CREB3L2: variants seen among roughly 807,000 people sequenced by gnomAD.
CREB3L2 encodes the protein cAMP responsive element binding protein 3 like 2.
A neutral mutation model predicts 57.2 loss-of-function variants in CREB3L2; 23 were observed. The ratio of observed to expected loss-of-function variants is 0.40; its 90% CI spans 0.29 to 0.57. The LOEUF (loss-of-function observed/expected upper bound fraction) is 0.57, where lower values mean the gene tolerates loss of function less well. Ranked by LOEUF, CREB3L2 falls within the 20% of genes least tolerant of loss-of-function variation. The probability of loss-of-function intolerance (pLI) is 0.42; values close to 1 mark genes in which losing one functional copy is unlikely to be tolerated. For synonymous variants in CREB3L2, 268 were observed against 265.1 expected (o/e 1.01, Z -0.11); for missense variants, 628 against 634.7 (o/e 0.99, Z 0.11).
intron 1 of CREB3L2, among the ~76,000 whole-genome samples, chr7:137,988,373 A>G (rs540101485): frequency 6.6e-6 from 1 of 152,324 alleles, no homozygotes; most frequent in Admixed American, 6.5e-5. Context: ...AGCTACAATT[A>G]TTTACTTAAT....
intron 1 of CREB3L2, among the ~76,000 whole-genome samples, chr7:137,967,376 G>A (rs1801425744): frequency 6.6e-6 from 1 of 152,156 alleles, no homozygotes; most frequent in African/African-American, 2.4e-5. Flanking sequence ...TCTACCTAGA[G>A]ACAATTTACC....
At chr7:137,889,104 T>A (rs1238664243) in intron 8 of CREB3L2, among the ~76,000 whole-genome samples, 1 of 151,800 alleles carries the variant, frequency 6.6e-6, no homozygotes, top group Non-Finnish European at 1.5e-5. Flanking sequence ...AAAAAAAAAA[T>A]CCACACAAGG....
intron 4 of CREB3L2, chr7:137,912,706 A>G (rs1800040307): frequency 8.1e-6 from 6 of 739,784 alleles, no homozygotes; most frequent in East Asian, 8.0e-5. Context: ...TAGTGTTTGT[A>G]GTAGCAGTCC....
chr7:137,919,142 A>G (rs1267382664), intron 2 of CREB3L2, among the ~76,000 whole-genome samples: 1 of 152,066 alleles, frequency 6.6e-6, no homozygotes, highest in Admixed American at 6.5e-5. Flanking sequence ...TTAGAGTTAT[A>G]AAGAGATTTA....
intron 1 of CREB3L2, among the ~76,000 whole-genome samples, chr7:137,946,973 G>T (rs1389255283): frequency 1.3e-4 from 5 of 38,302 alleles, no homozygotes; most frequent in Admixed American, 2.5e-4. Flanking sequence ...TATATATATA[G>T]TTATATATAT....
chr7:137,973,096 G>A (rs933556679), intron 1 of CREB3L2, among the ~76,000 whole-genome samples: 2 of 150,156 alleles, frequency 1.3e-5, no homozygotes, highest in Non-Finnish European at 2.9e-5. Flanking sequence ...TGGGTGCAGC[G>A]CACCAGCACG....
intron 1 of CREB3L2, among the ~76,000 whole-genome samples, chr7:137,931,556 G>C (rs543733908): frequency 2.1e-4 from 32 of 150,260 alleles, no homozygotes; most frequent in African/African-American, 7.6e-4. Context: ...GGCCAGGCTT[G>C]CTTGGTGGCT....
At chr7:137,927,358 A>G (rs1800492985) in intron 2 of CREB3L2, among the ~76,000 whole-genome samples, 1 of 147,174 alleles carries the variant, frequency 6.8e-6, no homozygotes, top group African/African-American at 2.5e-5. Context: ...GGGAGAGAGA[A>G]AAAGAAGAAA....
In CREB3L2 at chr7:137,940,027, T is replaced by C. The variant is rs546763925; in HGVS notation, c.103-11661A>G. On this transcript the variant is annotated intron_variant, in intron 1 of 11. Transcript: ENST00000330387. ...CTCTAGATACTCTTCCTAATTGGTG[T>C]TGTTGATATCCCTCCTTCTGTCCCT... 2.1e-3 allele frequency among the ~76,000 whole-genome samples: 313 copies of C among 152,340 alleles called. 1 individual carries two copies. The highest frequency in any genetic ancestry group is 3.7e-3 in the Non-Finnish European group (255 of 68,028).
rs1801700069 is a variant in CREB3L2 at position 137,980,851 on chromosome 7, G to A, written c.102+20753C>T. ...TTTGCCTCTCCTGCTCTTTACTGAT[G>A]CACTGGCCCCTGTTCCTCCACAATG... On this transcript the variant is annotated intron_variant, in intron 1 of 11. Coordinates refer to ENST00000330387, the MANE Select transcript of CREB3L2 (RefSeq NM_194071.4). This position sits in a 1 kb window ranked among gnomAD's most constrained non-coding sequence, Gnocchi z 4.3. Among the ~76,000 whole-genome samples, 1 of 152,156 alleles carries A rather than the reference G, an allele frequency of 6.6e-6. No individual in the cohort carries two copies. The highest frequency in any genetic ancestry group is 2.4e-5 in the African/African-American group (1 of 41,422).
chr7:137,971,074 C>T (rs1017546095), intron 1 of CREB3L2, among the ~76,000 whole-genome samples: 6 of 152,054 alleles, frequency 3.9e-5, no homozygotes, highest in Non-Finnish European at 8.8e-5. Context: ...AAGAGATACA[C>T]ACAAACTTCA....
rs1009854445 is a variant in CREB3L2, at chr7:137,879,260, T to G, written c.*1216A>C. 1.9e-6 allele frequency: 1 copy of G among 535,062 alleles called. No individual in the cohort carries two copies. Among genetic ancestry groups the G allele is most frequent in the African/African-American group, 1.9e-5 (1 of 53,780 alleles). The allele number at this position is 535,062 out of a possible 1,614,324, so 33.1% of individuals were successfully genotyped here. A position where few individuals can be genotyped will look rare whatever the true frequency, so the allele number is the denominator to read the frequency against. ...AGTAGCCAAACCTGACTACCAAAGG[T>G]AAGAATGTGGATACACAAATGTCAC... On this transcript the variant is annotated 3_prime_UTR_variant, in exon 12 of 12. Coordinates refer to ENST00000330387, the MANE Select transcript of CREB3L2 (RefSeq NM_194071.4).
chr7:137,932,022 G>T (rs1235829508), intron 1 of CREB3L2, among the ~76,000 whole-genome samples: 1 of 152,040 alleles, frequency 6.6e-6, no homozygotes, highest in African/African-American at 2.4e-5. Context: ...GCCAGACTTG[G>T]TGTTTATCTT....
At chr7:137,909,464 T>C (rs952729881) in intron 4 of CREB3L2, among the ~76,000 whole-genome samples, 1 of 152,162 alleles carries the variant, frequency 6.6e-6, no homozygotes, top group Non-Finnish European at 1.5e-5. Context: ...ACAGTGCACA[T>C]TTCTGTTGTA....
chr7:137,986,322 G>A (rs966585580), intron 1 of CREB3L2, among the ~76,000 whole-genome samples: 15 of 152,220 alleles, frequency 9.9e-5, no homozygotes, highest in African/African-American at 2.9e-4. Context: ...CGAGAAAACA[G>A]ACAAGCACAC....
intron 8 of CREB3L2, among the ~76,000 whole-genome samples, chr7:137,892,827 C>T (rs1426725427): frequency 2.6e-5 from 4 of 151,930 alleles, no homozygotes; most frequent in African/African-American, 9.7e-5. Flanking sequence ...GAAACCTCTA[C>T]CTCAAAATCC....
At chr7:137,881,745 C>A (rs1023652220) in intron 11 of CREB3L2, among the ~76,000 whole-genome samples, 1 of 152,152 alleles carries the variant, frequency 6.6e-6, no homozygotes, top group Non-Finnish European at 1.5e-5. Context: ...GGCCCAGGGA[C>A]CTCCCCTATT....
intron 1 of CREB3L2, among the ~76,000 whole-genome samples, chr7:137,995,693 C>T (rs1344030145): frequency 6.6e-6 from 1 of 152,214 alleles, no homozygotes; most frequent in Non-Finnish European, 1.5e-5. Flanking sequence ...ATGAGCCGAT[C>T]TGAATCCATT....
intron 4 of CREB3L2, among the ~76,000 whole-genome samples, chr7:137,911,274 A>T (rs1799999571): frequency 6.6e-6 from 1 of 152,222 alleles, no homozygotes; most frequent in Non-Finnish European, 1.5e-5. Context: ...GTATTATTTC[A>T]CTAAGTATTA....
Sources: gnomAD v4.1 joint callset for allele counts (sites outside exome capture counted in the v4.1 genomes callset) on GRCh38, gnomAD v4.1.1 for gene constraint, Gnocchi (gnomAD v3.1) non-coding constraint, MANE v1.5 for transcripts, NCBI Gene and HGNC (gene_info 2026-07-23, HGNC 2026-07-21) for gene names.